Variants in SLC35F5 observed in about 807,000 individuals in gnomAD.
The protein encoded by SLC35F5 is HCV NS5A-transactivated protein 3.
A neutral mutation model predicts 68.6 loss-of-function variants in SLC35F5; 54 were observed. That is an observed-to-expected ratio of 0.79 (90% CI 0.63 to 0.99). The LOEUF (loss-of-function observed/expected upper bound fraction) is 0.99. SLC35F5 is among the 50% of genes least tolerant of loss of function. The pLI, the probability that SLC35F5 is intolerant of heterozygous loss-of-function variation, is 0.00. For missense variants in SLC35F5, 567 were observed against 626.9 expected (o/e 0.90, Z 1.02); for synonymous variants, 211 against 205.2 (o/e 1.03, Z -0.24).
chr2:113,737,246 T>C (rs1350517320), intron 7 of SLC35F5, among the ~76,000 whole-genome samples: 1 of 152,204 alleles, frequency 6.6e-6, no homozygotes, highest in African/African-American at 2.4e-5. Context: ...AGACACATGA[T>C]TGTAGAGCAC....
At chr2:113,705,769 T>TTCCCAAAGAGTATTTTTACTCTC (rs150555956), downstream of SLC35F5, among the ~76,000 whole-genome samples, 74,826 of 151,730 alleles carry the variant, frequency 0.49, 19,008 homozygotes, top group Middle Eastern at 0.67. Flanking sequence ...TTTTTACTCT[T>TTCCCAAAGAGTATTTTTACTCTC]TCCCAAAGCT....
intron 11 of SLC35F5, among the ~76,000 whole-genome samples, chr2:113,727,702 CA>C (rs1267089128): frequency 6.6e-6 from 1 of 152,162 alleles, no homozygotes; most frequent in East Asian, 1.9e-4. Context: ...GAAGAGCCCC[CA>C]ACATCCCAAT....
intron 13 of SLC35F5, among the ~76,000 whole-genome samples, chr2:113,720,141 A>G (rs1413183102): frequency 2.0e-5 from 3 of 151,934 alleles, no homozygotes; most frequent in Non-Finnish European, 2.9e-5. Flanking sequence ...CTTCCCTTTC[A>G]CTAGTTCACT....
At chr2:113,720,066 A>G (rs964601687) in intron 13 of SLC35F5, among the ~76,000 whole-genome samples, 4 of 151,462 alleles carry the variant, frequency 2.6e-5, no homozygotes, top group Admixed American at 6.6e-5. Flanking sequence ...AAAAATAAGA[A>G]AAACAAATAT....
intron 10 of SLC35F5, 42 bp downstream of exon 10, chr2:113,731,542 C>T (rs1687888540): frequency 1.3e-6 from 2 of 1,527,076 alleles, no homozygotes; most frequent in Non-Finnish European, 1.8e-6. Context: ...ATGTAACTTT[C>T]TTATTTACTC....
rs1019451465 is a variant in SLC35F5, at chr2:113,707,125, A to T, written c.*8093T>A. Among the ~76,000 whole-genome samples, 5 of 152,190 alleles carry T rather than the reference A, an allele frequency of 3.3e-5. No individual in the cohort carries two copies. Among genetic ancestry groups the T allele is most frequent in the Non-Finnish European group, 5.9e-5 (4 of 68,024 alleles). Reference sequence around the variant, plus strand: ...GTTTTTTAACAAAATTGAGGTAAAAATCTGCATTAAATTACACCAAGAAAA... The same window carrying T: ...GTTTTTTAACAAAATTGAGGTAAAATTCTGCATTAAATTACACCAAGAAAA... On this transcript the variant is annotated 3_prime_UTR_variant, in exon 16 of 16. Transcript: ENST00000245680.
intron 5 of SLC35F5, chr2:113,744,002 CAATGT>C: frequency 5.2e-6 from 2 of 384,756 alleles, no homozygotes. Context: ...TACAGTTTAG[CAATGT>C]AATGTAACAG....
At chr2:113,748,913 C>T (rs983661845) in intron 4 of SLC35F5, among the ~76,000 whole-genome samples, 7 of 152,184 alleles carry the variant, frequency 4.6e-5, no homozygotes, top group Non-Finnish European at 7.4e-5. Flanking sequence ...ATGCAACTCT[C>T]CTGCCTCAGC....
chr2:113,727,226 C>T (rs1687698359), intron 11 of SLC35F5, among the ~76,000 whole-genome samples: 1 of 152,104 alleles, frequency 6.6e-6, no homozygotes, highest in Non-Finnish European at 1.5e-5. Context: ...TGTAAGTTTC[C>T]TGAGGCCTCC....
chr2:113,756,258 G>T, intron 1 of SLC35F5, 112 bp downstream of exon 1: 1 of 1,540,228 alleles, frequency 6.5e-7, no homozygotes, highest in Non-Finnish European at 8.7e-7. Flanking sequence ...GACCTTCACG[G>T]TTTCGGTCAA....
downstream of SLC35F5, chr2:113,705,103 A>G (rs1376667957): frequency 1.3e-5 from 2 of 152,274 alleles, no homozygotes; most frequent in African/African-American, 4.8e-5. Context: ...GTTAAGAAAC[A>G]TGGGGCATAT....
At position 113,708,853 on chromosome 2, in the gene SLC35F5, C is replaced by G. The variant is rs1339586592; in HGVS notation, c.*6365G>C. ...GATCAAGCAGGTGATGAAAACTATACCTTTTGAACATGCATTAGGTAACCA... is the reference window on the plus strand; with the variant it reads ...GATCAAGCAGGTGATGAAAACTATAGCTTTTGAACATGCATTAGGTAACCA... On this transcript the variant is annotated 3_prime_UTR_variant, in exon 16 of 16. Transcript: ENST00000245680. Among the ~76,000 whole-genome samples, 1 of 141,076 alleles carries G rather than the reference C, an allele frequency of 7.1e-6. No individual in the cohort carries two copies. Among genetic ancestry groups the G allele is most frequent in the African/African-American group, 2.5e-5 (1 of 39,716 alleles). The allele number at this position is 141,076 out of a possible 152,430, so 92.6% of individuals were successfully genotyped here. A position where few individuals can be genotyped will look rare whatever the true frequency, so the allele number is the denominator to read the frequency against.
At chr2:113,733,407 T>C (rs779711717) in intron 9 of SLC35F5, 2 of 341,806 alleles carry the variant, frequency 5.9e-6, no homozygotes, top group South Asian at 2.4e-5. Context: ...ATCAAGTCTT[T>C]ATTAAGATAA....
chr2:113,718,539 T>G (rs745872703), intron 14 of SLC35F5, among the ~76,000 whole-genome samples: 1 of 152,128 alleles, frequency 6.6e-6, no homozygotes, highest in Non-Finnish European at 1.5e-5. Flanking sequence ...TGAATCATAT[T>G]TTTTTTAAAA....
In SLC35F5 at chr2:113,746,396, T is replaced by C. The variant is rs1574263490; in HGVS notation, c.418-57A>G. ...TGAAACTTACATTATACTGTAGGAC[T>C]AGTCAGACGTAACTCAGATAAATAG... On this transcript the variant is annotated intron_variant, in intron 4 of 15. Transcript: ENST00000245680. 27 of 1,362,346 alleles carry C rather than the reference T, an allele frequency of 2.0e-5. No individual in the cohort carries two copies. In the East Asian group the frequency reaches 6.2e-4, roughly 31 times the overall value. 84.4% of individuals were successfully genotyped at this position (1,362,346 alleles called of 1,614,324 possible).
intron 1 of SLC35F5, chr2:113,756,096 T>C: frequency 6.9e-7 from 1 of 1,448,294 alleles, no homozygotes; most frequent in Non-Finnish European, 9.1e-7. Context: ...GGAAAAGAAA[T>C]CATCCTTCTG....
intron 3 of SLC35F5, 64 bp downstream of exon 3, chr2:113,755,101 C>T: frequency 6.6e-7 from 1 of 1,509,722 alleles, no homozygotes; most frequent in East Asian, 2.3e-5. Context: ...GCTAGAGTTA[C>T]TACAGGTTAA....
Position 113,711,957 on chromosome 2 carries a change from G to A in SLC35F5, c.*3261C>T, listed in dbSNP as rs1224038820. ...GATTAGTGCTATGGGTATTACCACA[G>A]TGCCCTGTGAAAAGACTTGGCTTCC... On this transcript the variant is annotated 3_prime_UTR_variant, in exon 16 of 16. Coordinates refer to ENST00000245680, the MANE Select transcript of SLC35F5 (RefSeq NM_025181.5). 6.6e-6 allele frequency among the ~76,000 whole-genome samples: 1 copy of A among 152,174 alleles called. No homozygotes were observed. Among genetic ancestry groups the A allele is most frequent in the Non-Finnish European group, 1.5e-5 (1 of 68,044 alleles).
At chr2:113,702,711 T>C (rs899562637), downstream of SLC35F5, among the ~76,000 whole-genome samples, 7 of 152,220 alleles carry the variant, frequency 4.6e-5, no homozygotes, top group Non-Finnish European at 1.0e-4. Flanking sequence ...TATGTTTACT[T>C]TTTTACAGGA....
Sources: gnomAD v4.1 joint callset for allele counts (sites outside exome capture counted in the v4.1 genomes callset) on GRCh38, gnomAD v4.1.1 for gene constraint, MANE v1.5 for transcripts, NCBI Gene and HGNC (gene_info 2026-07-23, HGNC 2026-07-21) for gene names.